ROS1: variants seen among roughly 807,000 people sequenced by gnomAD.
ROS1 encodes the protein proto-oncogene tyrosine-protein kinase ROS.
In ROS1, 263 loss-of-function variants were observed where a neutral mutation model predicts 273.5. The ratio of observed to expected loss-of-function variants is 0.96; its 90% CI spans 0.87 to 1.06. The LOEUF is 1.06. ROS1 is among the 50% of genes least tolerant of loss of function. The pLI, the probability that ROS1 is intolerant of heterozygous loss-of-function variation, is 0.00. For missense variants in ROS1, 2,833 were observed against 2,751.1 expected, an observed-to-expected ratio of 1.03 and a Z score of -0.67; for synonymous variants, 1,008 against 954.1, an observed-to-expected ratio of 1.06 and a Z score of -1.04.
chr6:117,320,185 G>A (rs1254001872), intron 36 of ROS1, among the ~76,000 whole-genome samples, 155 bp from the exon 37 acceptor site: 1 of 152,072 alleles, frequency 6.6e-6, no homozygotes, highest in Non-Finnish European at 1.5e-5. Context: ...TGGAACTTTG[G>A]GTTCCTAATT....
rs1225663466 is a variant in ROS1 at position 117,356,882 on chromosome 6, G to C, written c.3873C>G (p.Gly1291=). 5 of 1,614,000 alleles carry C rather than the reference G, an allele frequency of 3.1e-6. No homozygotes were observed. The highest frequency in any genetic ancestry group is 4.2e-6 in the Non-Finnish European group (5 of 1,179,968). Reference sequence around the variant, plus strand: ...TAATACTGTAGTAGAACATCTGGTAGCCAAAATTGGAAACTTCTGTCCAAT... The same window carrying C: ...TAATACTGTAGTAGAACATCTGGTACCCAAAATTGGAAACTTCTGTCCAAT... ...RLYWTEVSNF[G]YQMFYYSIIS... The change falls in exon 26 of 44, where the codon GGC becomes GGG. Residue 1291 remains glycine (G), a synonymous_variant. Transcript: ENST00000368507.
intron 27 of ROS1, among the ~76,000 whole-genome samples, chr6:117,346,985 T>C (rs947212175): frequency 9.2e-5 from 14 of 152,194 alleles, no homozygotes; most frequent in African/African-American, 3.4e-4. Flanking sequence ...TGTCATATAG[T>C]TGATATCAGC....
chr6:117,333,251 G>T (rs954509036), intron 32 of ROS1, among the ~76,000 whole-genome samples: 71 of 152,194 alleles, frequency 4.7e-4, no homozygotes, highest in African/African-American at 1.7e-3. Flanking sequence ...AAATCTAGAA[G>T]AAATGGATAC....
rs80081187 is a variant in ROS1 at position 117,316,837 on chromosome 6, G to A, written c.6117+306C>T. On this transcript the variant is annotated intron_variant, in intron 39 of 43. Transcript: ENST00000368507. ...TGGGACAGACAGGCATATAGATTAA[G>A]TACAGAGATATGCCTTTCCAACTCC... is the stretch of plus-strand genomic sequence containing the variant. Among the ~76,000 whole-genome samples the A allele has an allele frequency of 1.8e-4, 28 of 152,230 alleles. No individual in the cohort carries two copies. In the East Asian group the frequency reaches 5.4e-3, roughly 29 times the overall value.
At chr6:117,363,231 G>A (rs944402521) in intron 21 of ROS1, among the ~76,000 whole-genome samples, 8 of 152,254 alleles carry the variant, frequency 5.3e-5, no homozygotes, top group Non-Finnish European at 1.2e-4. Flanking sequence ...TTTCAGTGAA[G>A]GTGAAAATGT....
chr6:117,385,597 TA>T (rs60804513), intron 16 of ROS1, 85 bp downstream of exon 16: 129,504 of 801,582 alleles, frequency 0.16, 32 homozygotes, highest in South Asian at 0.22. Flanking sequence ...CACAGGTATT[TA>T]AAAAAAAAAA....
chr6:117,371,481 G>T lies in ROS1; in HGVS notation c.2583-5191C>A, dbSNP rs536892630. Among the ~76,000 whole-genome samples the T allele has an allele frequency of 5.3e-5, 8 of 152,278 alleles. No individual in the cohort carries two copies. The South Asian group carries it at 6.2e-4, about 12-fold the overall frequency. ...TTGTCTTGCAGAGATCCTTGGGGAG[G>T]GCTGCCAGTGTAACTGGAGAAAGAC... is the stretch of plus-strand genomic sequence containing the variant. On this transcript the variant is annotated intron_variant, in intron 18 of 43. Coordinates refer to ENST00000368507, the MANE Select transcript of ROS1 (RefSeq NM_001378902.1).
At chr6:117,423,592 G>C (rs1042463540) in intron 1 of ROS1, among the ~76,000 whole-genome samples, 1 of 152,078 alleles carries the variant, frequency 6.6e-6, no homozygotes, top group Non-Finnish European at 1.5e-5. Context: ...CTCTGTTAAC[G>C]TAAGATAAAA....
Position 117,356,775 on chromosome 6 carries a change from G to C in ROS1, c.3980C>G (p.Thr1327Ser), listed in dbSNP as rs2128644075. Residue 1327 changes from threonine (T) to serine (S), a missense_variant, in exon 26 of 44, where the codon ACT (threonine) becomes AGT (serine). Coordinates refer to ENST00000368507, the MANE Select transcript of ROS1 (RefSeq NM_001378902.1). ...CATTGCTCCACTTAACTCAAATTCAGTCACATTACAAGAACATTGATTCCT... is the reference window on the plus strand; with the variant it reads ...CATTGCTCCACTTAACTCAAATTCACTCACATTACAAGAACATTGATTCCT... ...NKRNQCSCNVTEFELSGAMAI... is the reference protein window; with the variant it reads ...NKRNQCSCNVSEFELSGAMAI... 4 of 1,614,144 alleles carry C rather than the reference G, an allele frequency of 2.5e-6. No individual in the cohort carries two copies. Among genetic ancestry groups the C allele is most frequent in the Non-Finnish European group, 3.4e-6 (4 of 1,180,024 alleles).
At chr6:117,348,658 T>G (rs1310488786) in intron 27 of ROS1, among the ~76,000 whole-genome samples, 2 of 151,904 alleles carry the variant, frequency 1.3e-5, no homozygotes, top group Admixed American at 1.3e-4. Flanking sequence ...CTTAATTTAC[T>G]CTTCTTTTTC....
intron 43 of ROS1, among the ~76,000 whole-genome samples, chr6:117,293,685 T>C (rs1773998882): frequency 6.6e-6 from 1 of 151,684 alleles, no homozygotes; most frequent in Non-Finnish European, 1.5e-5. Context: ...ACAAGAAAAA[T>C]AGAAAGGAAT....
intron 34 of ROS1, among the ~76,000 whole-genome samples, chr6:117,325,076 G>T (rs945140059): frequency 3.3e-5 from 5 of 152,036 alleles, no homozygotes; most frequent in African/African-American, 1.2e-4. Flanking sequence ...TTACTATTTG[G>T]TTCTTTTCAG....
intron 33 of ROS1, among the ~76,000 whole-genome samples, chr6:117,326,738 C>G (rs1776673214): frequency 1.3e-5 from 2 of 152,100 alleles, no homozygotes; most frequent in Non-Finnish European, 2.9e-5. Flanking sequence ...GACAATTATT[C>G]CATGATTTTT....
intron 43 of ROS1, among the ~76,000 whole-genome samples, chr6:117,291,775 G>A (rs1182107698): frequency 6.6e-6 from 1 of 152,094 alleles, no homozygotes; most frequent in Non-Finnish European, 1.5e-5. Context: ...TTTCACAGAG[G>A]TATTTTACTC....
chr6:117,330,784 A>G (rs117859587), intron 32 of ROS1, among the ~76,000 whole-genome samples: 351 of 152,276 alleles, frequency 2.3e-3, no homozygotes, highest in Non-Finnish European at 4.0e-3. Context: ...TGACAACAAC[A>G]GCATCATCAT....
intron 19 of ROS1, 32 bp from the exon 20 acceptor site, chr6:117,365,773 G>T: frequency 6.9e-7 from 1 of 1,458,864 alleles, no homozygotes; most frequent in Non-Finnish European, 9.2e-7. Flanking sequence ...AGAAATAGGA[G>T]AAAAAAATGG....
chr6:117,310,179 A>G lies in ROS1; in HGVS notation c.6318T>C (p.Asn2106=), dbSNP rs954471241. The G allele has an allele frequency of 6.2e-7, 1 of 1,613,312 alleles. No homozygotes were observed. Among genetic ancestry groups the G allele is most frequent in the Non-Finnish European group, 8.5e-7 (1 of 1,179,554 alleles). The part of the protein sequence containing the change: ...DFGLARDIYK[N]DYYRKRGEGL... The stretch of plus-strand genomic sequence containing the variant: ...CTTCCCCTCTCTTTCTATAGTAATC[A>G]TTTTTATAGATGTCTCTGGCGAGTC... Residue 2106 remains asparagine (N), a synonymous_variant, in exon 41 of 44, where the codon AAT becomes AAC. Transcript: ENST00000368507.
rs936248344 is a variant in ROS1, at chr6:117,386,637, A to G, written c.2110+252T>C. Among the ~76,000 whole-genome samples the G allele has an allele frequency of 2.0e-5, 3 of 152,234 alleles. No individual in the cohort carries two copies. In the East Asian group the frequency reaches 5.8e-4, roughly 29 times the overall value. On this transcript the variant is annotated intron_variant, in intron 15 of 43. Transcript: ENST00000368507. ...GGCATTGGTAGATTAATACATCAGC[A>G]TTATATCAAAGCCTTCCTGGTGGGC...
intron 7 of ROS1, among the ~76,000 whole-genome samples, 164 bp downstream of exon 7, chr6:117,402,975 A>T (rs975422354): frequency 6.6e-6 from 1 of 152,164 alleles, no homozygotes; most frequent in Non-Finnish European, 1.5e-5. Flanking sequence ...TCATAAAGGT[A>T]TTGTGAGTAC....
Sources: allele counts gnomAD v4.1 joint callset (sites outside exome capture counted in the v4.1 genomes callset), GRCh38; gene constraint gnomAD v4.1.1; transcripts MANE v1.5; gene names NCBI Gene and HGNC (gene_info 2026-07-23, HGNC 2026-07-21).